Variants in KIAA1549L observed in about 807,000 individuals in gnomAD.
KIAA1549L encodes the protein UPF0606 protein KIAA1549L.
Under a neutral mutation model 160.7 loss-of-function variants are expected in KIAA1549L, and 88 were observed. The ratio of observed to expected loss-of-function variants is 0.55; its 90% CI spans 0.46 to 0.65. The LOEUF (loss-of-function observed/expected upper bound fraction) is 0.65. KIAA1549L is among the 30% of genes least tolerant of loss of function. The pLI, the probability that KIAA1549L is intolerant of heterozygous loss-of-function variation, is 0.00. For missense variants in KIAA1549L, 2,258 were observed against 2,437.5 expected (o/e 0.93, Z 1.55); for synonymous variants, 950 against 976.7 (o/e 0.97, Z 0.51).
At chr11:33,508,540 C>T (rs1326705807) in intron 1 of KIAA1549L, among the ~76,000 whole-genome samples, 7 of 152,178 alleles carry the variant, frequency 4.6e-5, no homozygotes, top group Admixed American at 1.3e-4. Flanking sequence ...ATTACACCTG[C>T]GTGTGTGTAC....
chr11:33,528,283 C>A (rs978997851), intron 1 of KIAA1549L, among the ~76,000 whole-genome samples: 1 of 152,136 alleles, frequency 6.6e-6, no homozygotes, highest in South Asian at 2.1e-4. Flanking sequence ...GCAATACCAC[C>A]TTACTCCTGC....
chr11:33,492,383 G>A lies in KIAA1549L; in HGVS notation c.239-49419G>A, dbSNP rs533284537. Among the ~76,000 whole-genome samples, 4 of 152,134 alleles carry A rather than the reference G, an allele frequency of 2.6e-5. No homozygotes were observed. In the South Asian group the frequency reaches 8.3e-4, roughly 32 times the overall value. On this transcript the variant is annotated intron_variant, in intron 1 of 20. Coordinates refer to ENST00000658780, the MANE Select transcript of KIAA1549L (RefSeq NM_012194.3). ...CTCTGTCTCAAAAAAACCCCAAAAAGAACAATTTTGTATAAGATTTCAGTG... is the reference window on the plus strand; with the variant it reads ...CTCTGTCTCAAAAAAACCCCAAAAAAAACAATTTTGTATAAGATTTCAGTG...
intron 6 of KIAA1549L, among the ~76,000 whole-genome samples, chr11:33,555,332 C>A (rs902794719): frequency 6.6e-5 from 10 of 152,158 alleles, no homozygotes; most frequent in Non-Finnish European, 1.5e-5. Flanking sequence ...CATGGAATCT[C>A]AAGGGGCTTT....
At position 33,435,806 on chromosome 11, in the gene KIAA1549L, ATATATGTGTG is replaced by A. The variant is rs1275003783; in HGVS notation, c.238+58919_238+58928del. ...TATATATATATATATATATATATATATATATGTGTGTGTATATATATATATGTATATGTAT... is the reference window on the plus strand; with the variant it reads ...TATATATATATATATATATATATATATGTATATATATATATGTATATGTAT... On this transcript the variant is annotated intron_variant, in intron 1 of 20. Coordinates refer to ENST00000658780, the MANE Select transcript of KIAA1549L (RefSeq NM_012194.3). Among the ~76,000 whole-genome samples the A allele has an allele frequency of 1.8e-3, 35 of 19,682 alleles. 8 individuals are homozygous for A. Among genetic ancestry groups the A allele is most frequent in the Non-Finnish European group, 2.3e-3 (29 of 12,728 alleles). The allele number at this position is 19,682 out of a possible 152,430, so 12.9% of individuals were successfully genotyped here. A position where few individuals can be genotyped will look rare whatever the true frequency, so the allele number is the denominator to read the frequency against.
chr11:33,526,412 G>T (rs1489095409), intron 1 of KIAA1549L, among the ~76,000 whole-genome samples: 1 of 152,180 alleles, frequency 6.6e-6, no homozygotes, highest in Non-Finnish European at 1.5e-5. Flanking sequence ...GACTCCCACA[G>T]AGTCCACTTC....
intron 1 of KIAA1549L, among the ~76,000 whole-genome samples, chr11:33,511,820 CT>C (rs1853233379): frequency 6.6e-6 from 1 of 152,190 alleles, no homozygotes; most frequent in African/African-American, 2.4e-5. Flanking sequence ...CATCTCTGGA[CT>C]TTAGCTTTCC....
At position 33,547,680 on chromosome 11, in the gene KIAA1549L, G is replaced by A. The variant is rs58255061; in HGVS notation, c.3386-84G>A. The A allele has an allele frequency of 5.1e-3, 4,129 of 812,420 alleles. 120 individuals are homozygous for A. The African/African-American group carries it at 0.061, about 12-fold the overall frequency. 50.3% of individuals were successfully genotyped at this position (812,420 alleles called of 1,614,324 possible). A position where few individuals can be genotyped will look rare whatever the true frequency, so the allele number is the denominator to read the frequency against. On this transcript the variant is annotated intron_variant, in intron 3 of 20. Transcript: ENST00000658780. ...CGGCTCTGCCCAGAACTTGCAGAAGGTGGTGGTTGGGAGGAGCAGAGGGCA... is the reference window on the plus strand; with the variant it reads ...CGGCTCTGCCCAGAACTTGCAGAAGATGGTGGTTGGGAGGAGCAGAGGGCA...
In KIAA1549L at chr11:33,614,553, TATATATATATATATATATATATA is replaced by T. The variant is rs1564924732; in HGVS notation, c.5280-3979_5280-3957del. The stretch of plus-strand genomic sequence containing the variant: ...CAAGATATATATATATATATATATA[TATATATATATATATATATATATA>T]TATATATATTTTTTTTTTTTTTTTT... On this transcript the variant is annotated intron_variant, in intron 15 of 20. Coordinates refer to ENST00000658780, the MANE Select transcript of KIAA1549L (RefSeq NM_012194.3). 1.2e-3 allele frequency among the ~76,000 whole-genome samples: 16 copies of T among 13,232 alleles called. 1 individual carries two copies. The highest frequency in any genetic ancestry group is 5.5e-3 in the African/African-American group (11 of 1,996). 8.7% of individuals were successfully genotyped at this position (13,232 alleles called of 152,430 possible).
intron 19 of KIAA1549L, among the ~76,000 whole-genome samples, chr11:33,660,088 C>T (rs1367346448): frequency 6.6e-6 from 1 of 152,230 alleles, no homozygotes; most frequent in African/African-American, 2.4e-5. Flanking sequence ...GGGAAAATTC[C>T]AGAGCACTAC....
intron 10 of KIAA1549L, among the ~76,000 whole-genome samples, chr11:33,577,357 A>G (rs1188075614): frequency 6.6e-6 from 1 of 152,190 alleles, no homozygotes; most frequent in Non-Finnish European, 1.5e-5. Context: ...TGAGAACCCA[A>G]ACAAAAGCTA....
chr11:33,580,703 AGGGCACTGCTCT>A lies in KIAA1549L; in HGVS notation c.4403-2626_4403-2615del, dbSNP rs1172801547. 2.0e-5 allele frequency among the ~76,000 whole-genome samples: 3 copies of A among 152,264 alleles called. No homozygotes were observed. In the East Asian group the frequency reaches 5.8e-4, roughly 29 times the overall value. On this transcript the variant is annotated intron_variant, in intron 10 of 20. Transcript: ENST00000658780. Reference sequence around the variant, plus strand: ...TATTTATTGAGCACCTACTATGTGCAGGGCACTGCTCTGGGCACTGGAGATAGAGCAGTGAAT... The same window carrying A: ...TATTTATTGAGCACCTACTATGTGCAGGGCACTGGAGATAGAGCAGTGAAT...
At chr11:33,530,879 A>G (rs1853754448) in intron 1 of KIAA1549L, among the ~76,000 whole-genome samples, 1 of 152,322 alleles carries the variant, frequency 6.6e-6, no homozygotes, top group South Asian at 2.1e-4. Context: ...CAATATGGAA[A>G]AATGATTTTG....
intron 1 of KIAA1549L, among the ~76,000 whole-genome samples, chr11:33,412,663 C>G (rs954072161): frequency 6.6e-6 from 1 of 152,170 alleles, no homozygotes; most frequent in Non-Finnish European, 1.5e-5. Context: ...GCTGATCACC[C>G]ATGATTAGAA....
chr11:33,530,149 CT>C (rs1296294082), intron 1 of KIAA1549L, among the ~76,000 whole-genome samples: 1 of 151,416 alleles, frequency 6.6e-6, no homozygotes, highest in East Asian at 1.9e-4. Flanking sequence ...AATTCCAGCA[CT>C]TTGGGAGGCT....
intron 17 of KIAA1549L, among the ~76,000 whole-genome samples, chr11:33,649,661 A>AAAC (rs1268443445): frequency 6.6e-6 from 1 of 152,074 alleles, no homozygotes; most frequent in South Asian, 2.1e-4. Context: ...TCATAAAAAC[A>AAAC]AACAACTCCC....
At chr11:33,584,770 G>T (rs1309336196) in intron 11 of KIAA1549L, among the ~76,000 whole-genome samples, 4 of 152,166 alleles carry the variant, frequency 2.6e-5, no homozygotes, top group Non-Finnish European at 5.9e-5. Context: ...GGTGACTGAG[G>T]CTCACATCTG....
intron 10 of KIAA1549L, among the ~76,000 whole-genome samples, chr11:33,578,125 G>A (rs1420310418): frequency 6.6e-6 from 1 of 152,208 alleles, no homozygotes. Flanking sequence ...TGGAGTGTCA[G>A]GAGGACCGGG....
chr11:33,588,555 C>T (rs1849948816), intron 11 of KIAA1549L, among the ~76,000 whole-genome samples: 1 of 152,112 alleles, frequency 6.6e-6, no homozygotes. Flanking sequence ...AACAGTGGAC[C>T]TGGGGAGGAA....
At chr11:33,577,524 G>C (rs1324073214) in intron 10 of KIAA1549L, among the ~76,000 whole-genome samples, 2 of 152,184 alleles carry the variant, frequency 1.3e-5, no homozygotes, top group Non-Finnish European at 2.9e-5. Context: ...GGTCCGCAGG[G>C]ACAGCTGGTC....
Sources: allele counts gnomAD v4.1 joint callset (sites outside exome capture counted in the v4.1 genomes callset), GRCh38; gene constraint gnomAD v4.1.1; transcripts MANE v1.5; gene names NCBI Gene and HGNC (gene_info 2026-07-23, HGNC 2026-07-21).